Variants in WTIP observed in about 807,000 individuals in gnomAD.
WTIP encodes the protein WT1 interacting protein, also known as Wilms tumor protein 1-interacting protein.
Under a neutral mutation model 41.7 loss-of-function variants are expected in WTIP, and 23 were observed. The ratio of observed to expected loss-of-function variants is 0.55; its 90% CI spans 0.40 to 0.78. The LOEUF (loss-of-function observed/expected upper bound fraction) is 0.78, where lower values mean the gene tolerates loss of function less well. WTIP is among the 30% of genes least tolerant of loss of function. The pLI, the probability that WTIP is intolerant of heterozygous loss-of-function variation, is 0.00. For synonymous variants in WTIP, 314 were observed against 269.9 expected, an observed-to-expected ratio of 1.16 and a Z score of -1.60; for missense variants, 619 against 610.5, an observed-to-expected ratio of 1.01 and a Z score of -0.15.
intron 1 of WTIP, among the ~76,000 whole-genome samples, chr19:34,483,513 A>G (rs571698654): frequency 6.6e-6 from 1 of 152,188 alleles, no homozygotes; most frequent in East Asian, 1.9e-4. Flanking sequence ...GCGGCTGGAG[A>G]GGGAGACTGT....
intron 1 of WTIP, among the ~76,000 whole-genome samples, chr19:34,487,421 A>G (rs942398858): frequency 2.6e-5 from 4 of 152,196 alleles, no homozygotes; most frequent in African/African-American, 9.7e-5. Flanking sequence ...TTCTGAAGGC[A>G]TCTGAACTGG....
At chr19:34,491,119 C>T (rs567718078) in intron 2 of WTIP, among the ~76,000 whole-genome samples, 19 of 151,734 alleles carry the variant, frequency 1.3e-4, no homozygotes, top group African/African-American at 3.6e-4. Context: ...TGAGCCACTG[C>T]GCCTGGCCTA....
rs1166032308 is a variant in WTIP at position 34,500,699 on chromosome 19, C to T, written c.*430C>T. The stretch of plus-strand genomic sequence containing the variant: ...AGCGCACTCCCGGGCAGGGTGTGGT[C>T]TGGAAGGCGGGGCTGGCGGGGACAT... On this transcript the variant is annotated 3_prime_UTR_variant, in exon 8 of 8. Coordinates refer to ENST00000590071, the MANE Select transcript of WTIP (RefSeq NM_001080436.2). 1 of 160,544 alleles carries T rather than the reference C, an allele frequency of 6.2e-6. No individual in the cohort carries two copies. The highest frequency in any genetic ancestry group is 2.0e-4 in the East Asian group (1 of 4,990). 9.9% of individuals were successfully genotyped at this position (160,544 alleles called of 1,614,324 possible).
chr19:34,505,128 G>A lies in WTIP; in HGVS notation c.*4859G>A, dbSNP rs961440391. ...GCATGTGCACACATTTCATGGGGAT[G>A]ATGGGGGACTCTGGGAGCCAGCCTG... is the stretch of plus-strand genomic sequence containing the variant. On this transcript the variant is annotated 3_prime_UTR_variant, in exon 8 of 8. Transcript: ENST00000590071. 1 of 152,444 alleles carries A rather than the reference G, an allele frequency of 6.6e-6. No individual in the cohort carries two copies. Among genetic ancestry groups the A allele is most frequent in the Non-Finnish European group, 1.5e-5 (1 of 68,234 alleles). The allele number at this position is 152,444 out of a possible 1,614,324, so 9.4% of individuals were successfully genotyped here. A position where few individuals can be genotyped will look rare whatever the true frequency, so the allele number is the denominator to read the frequency against.
rs900519661 is a variant in WTIP, at chr19:34,482,572, C to A, written c.598C>A (p.Arg200=). ...GGAGGGCGGCCCAAGCGCGGCCGAG[C>A]GGCGGCTGGAGGCGCTCACCCGGGA... The part of the protein sequence containing the change: ...GREGGPSAAE[R]RLEALTRELE... The change falls in exon 1 of 8, where the codon CGG becomes AGG. Residue 200 remains arginine, a synonymous_variant. Coordinates refer to ENST00000590071, the MANE Select transcript of WTIP (RefSeq NM_001080436.2). 4 of 1,229,542 alleles carry A rather than the reference C, an allele frequency of 3.3e-6. No homozygotes were observed. In the African/African-American group the frequency reaches 6.2e-5, roughly 19 times the overall value. The allele number at this position is 1,229,542 out of a possible 1,614,324, so 76.2% of individuals were successfully genotyped here. A position where few individuals can be genotyped will look rare whatever the true frequency, so the allele number is the denominator to read the frequency against.
In WTIP at chr19:34,500,242, A is replaced by G. The variant is rs368491627; in HGVS notation, c.1266A>G (p.Ser422=). 1.1e-5 allele frequency: 17 copies of G among 1,607,444 alleles called. No homozygotes were observed. In the African/African-American group the frequency reaches 2.1e-4, roughly 20 times the overall value. Residue 422 remains serine, a synonymous_variant, in exon 8 of 8, where the codon TCA becomes TCG. Transcript: ENST00000590071. The part of the protein sequence containing the change: ...LRRLQPGPLP[S]PTVHVTEL ...GCCTCCAACCTGGGCCTCTTCCCTC[A>G]CCCACTGTGCACGTCACTGAGCTCT...
chr19:34,507,368 T>G lies in WTIP; in HGVS notation c.*7099T>G, dbSNP rs2075916560. The G allele has an allele frequency of 6.7e-6, 1 of 148,530 alleles. No homozygotes were observed. The highest frequency in any genetic ancestry group is 1.5e-5 in the Non-Finnish European group (1 of 67,494). 9.2% of individuals were successfully genotyped at this position (148,530 alleles called of 1,614,324 possible). On this transcript the variant is annotated 3_prime_UTR_variant, in exon 8 of 8. Coordinates refer to ENST00000590071, the MANE Select transcript of WTIP (RefSeq NM_001080436.2). The stretch of plus-strand genomic sequence containing the variant: ...ATTCTTATAACAAAAGCAGTTGTCT[T>G]AAGATGAATGGCTCATATTTGGGTG...
intron 1 of WTIP, 26 bp downstream of exon 1, chr19:34,482,667 C>G (rs1189314745): frequency 1.1e-5 from 13 of 1,225,470 alleles, no homozygotes; most frequent in Non-Finnish European, 1.3e-5. Context: ...CCGGCAGTTC[C>G]CTGCGCGCAT....
At chr19:34,495,078 G>A (rs2075845820) in intron 6 of WTIP, among the ~76,000 whole-genome samples, 5 of 152,198 alleles carry the variant, frequency 3.3e-5, no homozygotes, top group Non-Finnish European at 1.5e-5. Context: ...AGCAGAACTG[G>A]CAGTGCCCTT....
Position 34,500,201 on chromosome 19 carries a change from C to A in WTIP, c.1225C>A (p.Arg409Ser), listed in dbSNP as rs1418507942. 1.2e-6 allele frequency: 2 copies of A among 1,605,668 alleles called. No individual in the cohort carries two copies. Among genetic ancestry groups the A allele is most frequent in the Non-Finnish European group, 1.7e-6 (2 of 1,179,704 alleles). Residue 409 changes from arginine (R) to serine (S), a missense_variant, in exon 8 of 8, where the codon CGT (arginine) becomes AGT (serine). Physicochemically the swap from Arg to Ser is moderately radical, Grantham distance 110. Transcript: ENST00000590071. ...CCTGGCGGGCCACCTACTGTGTCGT[C>A]GTTGCCACCTGCGGCGCCTCCAACC... ...YPLAGHLLCR[R>S]CHLRRLQPGP...
In WTIP at chr19:34,508,456, C is replaced by T. The variant is rs1599975465; in HGVS notation, c.*8187C>T. ...GGACATGAGTGAAGGTCCCAGTCCA[C>T]CCTATGCAAGCAGAAGCCTCTTTGG... On this transcript the variant is annotated 3_prime_UTR_variant, in exon 8 of 8. Coordinates refer to ENST00000590071, the MANE Select transcript of WTIP (RefSeq NM_001080436.2). 1 of 152,042 alleles carries T rather than the reference C, an allele frequency of 6.6e-6. No homozygotes were observed. Among genetic ancestry groups the T allele is most frequent in the East Asian group, 1.9e-4 (1 of 5,164 alleles). The allele number at this position is 152,042 out of a possible 1,614,324, so 9.4% of individuals were successfully genotyped here. A position where few individuals can be genotyped will look rare whatever the true frequency, so the allele number is the denominator to read the frequency against.
chr19:34,482,133 GA>G lies in WTIP; in HGVS notation c.161del (p.Lys54ArgfsTer13). On this transcript the variant is annotated frameshift_variant, in exon 1 of 8. Transcript: ENST00000590071. LOFTEE classifies it high-confidence loss of function. ...EAAPALGRRG[K>X]GSGGPEAGAD... The stretch of plus-strand genomic sequence containing the variant: ...CGGCGCCCGCGCTGGGCCGCAGAGG[GA>G]AGGGCAGCGGCGGCCCCGAGGCCGG... 1 of 1,056,496 alleles carries G rather than the reference GA, an allele frequency of 9.5e-7. No homozygotes were observed. Among genetic ancestry groups the G allele is most frequent in the Non-Finnish European group, 1.1e-6 (1 of 877,704 alleles). 65.4% of individuals were successfully genotyped at this position (1,056,496 alleles called of 1,614,324 possible). A position where few individuals can be genotyped will look rare whatever the true frequency, so the allele number is the denominator to read the frequency against.
At position 34,482,038 on chromosome 19, in the gene WTIP, G is replaced by A. The variant is rs995775068; in HGVS notation, c.64G>A (p.Glu22Lys). Residue 22 changes from glutamate to lysine, a missense_variant, in exon 1 of 8, where the codon GAG (glutamate) becomes AAG (lysine). Around this residue, in one of 3 missense-constraint regions of WTIP, gnomAD observed 363 missense variants for 309.0 expected, o/e 1.17. Transcript: ENST00000590071. The stretch of plus-strand genomic sequence containing the variant: ...ACTCCTGGCCGGGCTGGCCCTGCGG[G>A]AGCTGGAGCCCGGGTGCGGCTCTCC... ...ALLLAGLALR[E>K]LEPGCGSPGR... 9 of 1,029,614 alleles carry A rather than the reference G, an allele frequency of 8.7e-6. No homozygotes were observed. Among genetic ancestry groups the A allele is most frequent in the Non-Finnish European group, 1.0e-5 (9 of 860,034 alleles). The allele number at this position is 1,029,614 out of a possible 1,614,324, so 63.8% of individuals were successfully genotyped here.
chr19:34,482,697 G>T, intron 1 of WTIP, 56 bp downstream of exon 1: 1 of 1,217,110 alleles, frequency 8.2e-7, no homozygotes, highest in South Asian at 4.2e-5. Flanking sequence ...CCGGGGTTCC[G>T]AGACTGCCTC....
chr19:34,482,850 C>T (rs1402899835), intron 1 of WTIP: 1 of 941,256 alleles, frequency 1.1e-6, no homozygotes, highest in Non-Finnish European at 1.3e-6. Context: ...CCAGCAGCGG[C>T]TTCACCCCTG....
intron 1 of WTIP, among the ~76,000 whole-genome samples, chr19:34,488,276 A>G (rs564288643): frequency 4.9e-4 from 75 of 152,080 alleles, no homozygotes; most frequent in African/African-American, 1.7e-3. Context: ...GTGTTTCACT[A>G]TCATGGCCAG....
intron 1 of WTIP, among the ~76,000 whole-genome samples, chr19:34,486,427 G>T (rs2075797788): frequency 6.6e-6 from 1 of 150,932 alleles, no homozygotes; most frequent in Non-Finnish European, 1.5e-5. Context: ...GAGTTCAATG[G>T]TGAGATCTCA....
intron 1 of WTIP, among the ~76,000 whole-genome samples, chr19:34,489,964 T>G (rs1446411279): frequency 2.0e-5 from 3 of 151,894 alleles, no homozygotes; most frequent in Non-Finnish European, 4.4e-5. Flanking sequence ...AGTGGTTGGG[T>G]GCAGTGGCTC....
rs1019993026 is a variant in WTIP at position 34,507,806 on chromosome 19, G to A, written c.*7537G>A. The A allele has an allele frequency of 6.6e-6, 1 of 152,282 alleles. No individual in the cohort carries two copies. Among genetic ancestry groups the A allele is most frequent in the African/African-American group, 2.4e-5 (1 of 41,458 alleles). The allele number at this position is 152,282 out of a possible 1,614,324, so 9.4% of individuals were successfully genotyped here. On this transcript the variant is annotated 3_prime_UTR_variant, in exon 8 of 8. Transcript: ENST00000590071. ...GAGGAAGCCCGAGCTCCCTGCTGAA[G>A]ATGATAAATGATGCACAGATTTCAA... is the stretch of plus-strand genomic sequence containing the variant.
Sources: allele counts gnomAD v4.1 joint callset (sites outside exome capture counted in the v4.1 genomes callset), GRCh38; gene constraint gnomAD v4.1.1; regional missense constraint gnomAD v4.1.1; transcripts MANE v1.5; gene names NCBI Gene and HGNC (gene_info 2026-07-23, HGNC 2026-07-21).